Variants in CRACD observed in about 807,000 individuals in gnomAD.
CRACD encodes capping protein-inhibiting regulator of actin dynamics.
CRACD carries 56 observed loss-of-function variants against 106.8 expected under a neutral mutation model. The observed-to-expected ratio is 0.52, with a 90% CI of 0.42 to 0.66. CRACD has a LOEUF of 0.66. Among genes scored for constraint, CRACD ranks in the 30% least tolerant of loss-of-function variants. The pLI is 0.00. For synonymous variants in CRACD, 754 were observed against 670.8 expected (o/e 1.12, Z -1.92); for missense variants, 1,730 against 1,623.2 (o/e 1.07, Z -1.13).
intron 1 of CRACD, among the ~76,000 whole-genome samples, chr4:56,122,982 G>A (rs1734540244): frequency 6.6e-6 from 1 of 152,192 alleles, no homozygotes; most frequent in African/African-American, 2.4e-5. Context: ...TATGAGCATA[G>A]ATGTGTCACA....
intron 2 of CRACD, among the ~76,000 whole-genome samples, chr4:56,247,782 G>A (rs1740769383): frequency 6.6e-6 from 1 of 151,864 alleles, no homozygotes; most frequent in African/African-American, 2.4e-5. Flanking sequence ...GGAGGGGGAC[G>A]TTGCAGCGAG....
chr4:56,256,778 C>T (rs1366266906), intron 2 of CRACD, among the ~76,000 whole-genome samples: 1 of 152,250 alleles, frequency 6.6e-6, no homozygotes, highest in African/African-American at 2.4e-5. Context: ...GGAATGTAAA[C>T]CAAAAATAAA....
intron 1 of CRACD, among the ~76,000 whole-genome samples, chr4:56,133,323 A>G (rs1209071963): frequency 6.6e-6 from 1 of 152,192 alleles, no homozygotes; most frequent in Non-Finnish European, 1.5e-5. Context: ...AATAATTTTT[A>G]TCTTTTTAAC....
At chr4:56,183,241 A>AAAATAAAATT in intron 2 of CRACD, among the ~76,000 whole-genome samples, 1 of 102,554 alleles carries the variant, frequency 9.8e-6, no homozygotes, top group East Asian at 8.6e-4. Flanking sequence ...CTCAAAAAAT[A>AAAATAAAATT]AAATAAAATA....
At chr4:56,225,414 T>TAAA (rs1739250100) in intron 2 of CRACD, among the ~76,000 whole-genome samples, 1 of 152,182 alleles carries the variant, frequency 6.6e-6, no homozygotes, top group Admixed American at 6.6e-5. Context: ...ATTTTTTGAA[T>TAAA]AAAGACATTT....
intron 1 of CRACD, among the ~76,000 whole-genome samples, chr4:56,162,521 A>G (rs185263142): frequency 6.6e-6 from 1 of 151,850 alleles, no homozygotes; most frequent in Non-Finnish European, 1.5e-5. Context: ...TTGAATTTTT[A>G]AATTGCATCA....
chr4:56,135,604 G>A (rs1052416857), intron 1 of CRACD, among the ~76,000 whole-genome samples: 3 of 152,146 alleles, frequency 2.0e-5, no homozygotes, highest in African/African-American at 7.2e-5. Context: ...ATCTTTATTT[G>A]ATGGATGCAT....
chr4:56,326,382 T>C (rs962366794), intron 10 of CRACD, among the ~76,000 whole-genome samples: 1 of 152,186 alleles, frequency 6.6e-6, no homozygotes, highest in Non-Finnish European at 1.5e-5. Context: ...CAAAATAAAG[T>C]GAAAGCCCCA....
Position 56,298,254 on chromosome 4 carries a change from G to A in CRACD, c.25G>A (p.Asp9Asn), listed in dbSNP as rs1744164293. 6.2e-7 allele frequency: 1 copy of A among 1,614,024 alleles called. No homozygotes were observed. Among genetic ancestry groups the A allele is most frequent in the African/African-American group, 1.3e-5 (1 of 74,936 alleles). ...TATGGGAACCCGGGCATTTTCCCATGACAGTATTTTTATCCCTGATGGGGG... is the reference window on the plus strand; with the variant it reads ...TATGGGAACCCGGGCATTTTCCCATAACAGTATTTTTATCCCTGATGGGGG... MGTRAFSH[D>N]SIFIPDGGAE... Residue 9 changes from aspartate (D) to asparagine (N), a missense_variant, in exon 4 of 11, where the codon GAC becomes AAC. Physicochemically the swap from Asp to Asn is conservative, Grantham distance 23 (BLOSUM62 1). Coordinates refer to ENST00000682029, the MANE Select transcript of CRACD (RefSeq NM_001393381.1).
intron 3 of CRACD, among the ~76,000 whole-genome samples, chr4:56,276,927 G>A (rs547203195): frequency 1.3e-5 from 2 of 152,354 alleles, no homozygotes; most frequent in South Asian, 4.1e-4. Flanking sequence ...ACAGTGAGAT[G>A]TGAAGGAGTT....
At chr4:56,282,738 C>T (rs982910259) in intron 3 of CRACD, among the ~76,000 whole-genome samples, 5 of 152,092 alleles carry the variant, frequency 3.3e-5, no homozygotes, top group Admixed American at 6.5e-5. Flanking sequence ...GTGTCATAGG[C>T]GGATGACAAA....
intron 1 of CRACD, among the ~76,000 whole-genome samples, chr4:56,115,432 A>G (rs1050800561): frequency 6.6e-6 from 1 of 152,186 alleles, no homozygotes; most frequent in African/African-American, 2.4e-5. Flanking sequence ...TATTAGAAAA[A>G]TATAATCATA....
At chr4:56,163,048 T>C (rs1736012512) in intron 1 of CRACD, among the ~76,000 whole-genome samples, 1 of 152,192 alleles carries the variant, frequency 6.6e-6, no homozygotes, top group South Asian at 2.1e-4. Context: ...ATGTGACCAA[T>C]GGGCTGTAAT....
chr4:56,225,084 G>A (rs532390347), intron 2 of CRACD, among the ~76,000 whole-genome samples: 24 of 152,194 alleles, frequency 1.6e-4, no homozygotes, highest in African/African-American at 5.8e-4. Flanking sequence ...TCTCAACATG[G>A]TTATTTATTT....
chr4:56,058,139 G>A (rs1732151225), intron 1 of CRACD, among the ~76,000 whole-genome samples: 1 of 151,392 alleles, frequency 6.6e-6, no homozygotes, highest in Non-Finnish European at 1.5e-5. Flanking sequence ...GCACCATCTC[G>A]GCTCACTGCA....
chr4:56,267,343 C>CA (rs1742081933), intron 2 of CRACD, among the ~76,000 whole-genome samples: 2 of 152,110 alleles, frequency 1.3e-5, no homozygotes, highest in Admixed American at 1.3e-4. Context: ...AGGCTGGTCT[C>CA]AAACTCCTGA....
intron 1 of CRACD, among the ~76,000 whole-genome samples, chr4:56,084,548 ATGT>A (rs1168788177): frequency 6.6e-6 from 1 of 152,110 alleles, no homozygotes; most frequent in Non-Finnish European, 1.5e-5. Flanking sequence ...GATATTAATG[ATGT>A]TGTTAATAAT....
Position 56,266,560 on chromosome 4 carries a change from A to G in CRACD, c.-188-5761A>G, listed in dbSNP as rs559061995. ...GAACACTTTGCTAAATTATACTTCT[A>G]TATGGCAGTTGTTCCGGAATATTTC... On this transcript the variant is annotated intron_variant, in intron 2 of 10. Coordinates refer to ENST00000682029, the MANE Select transcript of CRACD (RefSeq NM_001393381.1). Among the ~76,000 whole-genome samples the G allele has an allele frequency of 3.3e-5, 5 of 152,388 alleles. No homozygotes were observed. The South Asian group carries it at 6.2e-4, about 19-fold the overall frequency.
chr4:56,213,095 C>T (rs10033179), intron 2 of CRACD, among the ~76,000 whole-genome samples: 86,474 of 151,992 alleles, frequency 0.57, 25,123 homozygotes, highest in South Asian at 0.74. Context: ...CTGTAAGCTC[C>T]ACTTTGGATC....
Sources: gnomAD v4.1 joint callset for allele counts (sites outside exome capture counted in the v4.1 genomes callset) on GRCh38, gnomAD v4.1.1 for gene constraint, MANE v1.5 for transcripts, NCBI Gene and HGNC (gene_info 2026-07-23, HGNC 2026-07-21) for gene names.